The following SEMA6D variants were observed in gnomAD, a reference collection of about 807,000 sequenced individuals.
The protein encoded by SEMA6D is semaphorin 6D.
Under a neutral mutation model 106.6 loss-of-function variants are expected in SEMA6D, and 35 were observed. That is an observed-to-expected ratio of 0.33 (90% confidence interval 0.25 to 0.44). SEMA6D has a LOEUF of 0.44. Among genes scored for constraint, SEMA6D ranks in the 20% least tolerant of loss-of-function variants. The pLI, the probability that SEMA6D is intolerant of heterozygous loss-of-function variation, is 1.00. For missense variants in SEMA6D, 1,185 were observed against 1,345.9 expected, an observed-to-expected ratio of 0.88 and a Z score of 1.87; for synonymous variants, 499 against 487.7, an observed-to-expected ratio of 1.02 and a Z score of -0.31.
intron 3 of SEMA6D, among the ~76,000 whole-genome samples, chr15:47,570,114 T>C (rs1417419907): frequency 1.3e-5 from 2 of 151,906 alleles, no homozygotes; most frequent in Admixed American, 6.6e-5. Flanking sequence ...TCCCTGAGTA[T>C]CATTTGGTTT....
chr15:47,511,512 A>G (rs2044228229), intron 3 of SEMA6D, among the ~76,000 whole-genome samples: 1 of 151,764 alleles, frequency 6.6e-6, no homozygotes, highest in Non-Finnish European at 1.5e-5. Flanking sequence ...AGTTTTCACT[A>G]CCCCCCTCCT....
At position 47,610,354 on chromosome 15, in the gene SEMA6D, C is replaced by T. The variant is rs572801772; in HGVS notation, c.-55+9458C>T. Among the ~76,000 whole-genome samples, 12 of 152,336 alleles carry T rather than the reference C, an allele frequency of 7.9e-5. No homozygotes were observed. The South Asian group carries it at 2.5e-3, about 32-fold the overall frequency. ...ACCCTTCTAGACTTCTACTGGACCA[C>T]CACATAAGTTCGACACACATGCCCA... is the stretch of plus-strand genomic sequence containing the variant. On this transcript the variant is annotated intron_variant, in intron 4 of 19. Coordinates refer to the SEMA6D transcript ENST00000558014.
chr15:47,767,217 T>G lies in SEMA6D; in HGVS notation c.1765+124T>G, dbSNP rs1342607493. On this transcript the variant is annotated intron_variant, in intron 17 of 18. Transcript: ENST00000536845. ...CTTCATTTTTCCGCTTTGACTCATA[T>G]TCCCACTGATGGTACCAAAAGACTT... 3 of 601,516 alleles carry G rather than the reference T, an allele frequency of 5.0e-6. No homozygotes were observed. The African/African-American group carries it at 5.8e-5, about 12-fold the overall frequency. 37.3% of individuals were successfully genotyped at this position (601,516 alleles called of 1,614,324 possible).
chr15:47,766,501 TTC>T, intron 15 of SEMA6D, 113 bp from the exon 16 acceptor site: 3 of 865,600 alleles, frequency 3.5e-6, no homozygotes, highest in Admixed American at 5.0e-5. Flanking sequence ...TTTTTTTTTT[TTC>T]TCTCTCTGCC....
At chr15:47,721,333 G>A (rs899253289) in intron 1 of SEMA6D, among the ~76,000 whole-genome samples, 1 of 152,200 alleles carries the variant, frequency 6.6e-6, no homozygotes, top group Non-Finnish European at 1.5e-5. Context: ...GTACTGTTAA[G>A]TGTAATTCAC....
At chr15:47,207,912 T>G (rs1018240609) in intron 1 of SEMA6D, among the ~76,000 whole-genome samples, 2 of 151,142 alleles carry the variant, frequency 1.3e-5, no homozygotes, top group Admixed American at 1.3e-4. Flanking sequence ...TTCACCAGGT[T>G]GGGAAATCAA....
intron 2 of SEMA6D, among the ~76,000 whole-genome samples, chr15:47,454,571 A>G (rs2042287715): frequency 6.7e-6 from 1 of 148,872 alleles, no homozygotes; most frequent in African/African-American, 2.5e-5. Flanking sequence ...ATGCCTTCAC[A>G]GAGAGAGTTT....
chr15:47,342,460 A>C (rs1261478851), intron 1 of SEMA6D, among the ~76,000 whole-genome samples: 2 of 152,234 alleles, frequency 1.3e-5, no homozygotes, highest in Non-Finnish European at 2.9e-5. Context: ...CTGAGTGAAT[A>C]AGTTCTGCAA....
intron 4 of SEMA6D, among the ~76,000 whole-genome samples, chr15:47,612,247 T>A (rs2076921546): frequency 6.6e-6 from 1 of 152,170 alleles, no homozygotes; most frequent in Non-Finnish European, 1.5e-5. Flanking sequence ...CTTAAAAGAA[T>A]TGAGCCTGCA....
At chr15:47,690,927 C>T (rs1331543499) in intron 4 of SEMA6D, among the ~76,000 whole-genome samples, 3 of 152,094 alleles carry the variant, frequency 2.0e-5, no homozygotes. Context: ...AGTTTCATGT[C>T]GCCTTAGTCT....
chr15:47,657,119 T>G (rs912848163), intron 4 of SEMA6D, among the ~76,000 whole-genome samples: 3 of 152,186 alleles, frequency 2.0e-5, no homozygotes, highest in Non-Finnish European at 2.9e-5. Context: ...ATTGTACAGT[T>G]TGATTCATTT....
intron 1 of SEMA6D, among the ~76,000 whole-genome samples, chr15:47,210,455 AT>A (rs559172377): frequency 6.1e-5 from 9 of 148,622 alleles, no homozygotes; most frequent in East Asian, 2.0e-4. Flanking sequence ...GAATTGCTCT[AT>A]TTTTTTTTTA....
intron 1 of SEMA6D, among the ~76,000 whole-genome samples, chr15:47,756,501 T>A (rs987115300): frequency 6.6e-6 from 1 of 152,188 alleles, no homozygotes; most frequent in African/African-American, 2.4e-5. Context: ...ATAAAGATAA[T>A]TATTCCCATT....
chr15:47,625,924 A>G (rs79350212), intron 4 of SEMA6D, among the ~76,000 whole-genome samples: 2,178 of 152,200 alleles, frequency 0.014, 54 homozygotes, highest in African/African-American at 0.05. Context: ...AAGTAACCAT[A>G]TCTTATTTTG....
intron 1 of SEMA6D, among the ~76,000 whole-genome samples, chr15:47,224,422 C>T (rs1158088661): frequency 6.6e-6 from 1 of 151,956 alleles, no homozygotes; most frequent in Non-Finnish European, 1.5e-5. Flanking sequence ...ATGCTAAGTA[C>T]TTTTCATATA....
intron 3 of SEMA6D, among the ~76,000 whole-genome samples, chr15:47,563,377 A>G (rs1320318405): frequency 6.6e-6 from 1 of 152,184 alleles, no homozygotes; most frequent in Non-Finnish European, 1.5e-5. Context: ...AATATATGCC[A>G]CTATATAGGC....
At chr15:47,296,872 G>A (rs980775759) in intron 1 of SEMA6D, among the ~76,000 whole-genome samples, 2 of 152,142 alleles carry the variant, frequency 1.3e-5, no homozygotes, top group African/African-American at 2.4e-5. Context: ...TGGTAGGCAC[G>A]TGGCTGGGTG....
intron 4 of SEMA6D, among the ~76,000 whole-genome samples, chr15:47,669,225 T>C (rs2078092795): frequency 6.6e-6 from 1 of 152,222 alleles, no homozygotes; most frequent in Admixed American, 6.5e-5. Context: ...TCCACATAAA[T>C]GAATTCCTTA....
At chr15:47,625,078 T>A (rs1465272713) in intron 4 of SEMA6D, among the ~76,000 whole-genome samples, 1 of 145,448 alleles carries the variant, frequency 6.9e-6, no homozygotes, top group Non-Finnish European at 1.5e-5. Flanking sequence ...AGAGATTTTT[T>A]AATAAGAAAG....
Sources: allele counts gnomAD v4.1 joint callset (sites outside exome capture counted in the v4.1 genomes callset), GRCh38; gene constraint gnomAD v4.1.1; transcripts MANE v1.5; gene names NCBI Gene and HGNC (gene_info 2026-07-23, HGNC 2026-07-21).